The following HS1BP3 variants were observed in gnomAD, a reference collection of about 807,000 sequenced individuals.
HS1BP3 encodes HCLS1 binding protein 3, also known as HCLS1-binding protein 3.
Under a neutral mutation model 33.5 loss-of-function variants are expected in HS1BP3, and 32 were observed. The ratio of observed to expected loss-of-function variants is 0.95; its 90% CI spans 0.72 to 1.28. The LOEUF is 1.28. Ranked by LOEUF, HS1BP3 falls within the 50% of genes most tolerant of loss-of-function variation. The pLI is 0.00. For synonymous variants in HS1BP3, 187 were observed against 209.2 expected (o/e 0.89, Z 0.92); for missense variants, 486 against 502.3 (o/e 0.97, Z 0.31).
At chr2:20,622,526 C>A in intron 6 of HS1BP3, 4 of 345,976 alleles carry the variant, frequency 1.2e-5, no homozygotes, top group South Asian at 6.6e-5. Flanking sequence ...ACGAGCCCTG[C>A]TTTTTGTGGC....
Position 20,595,608 on chromosome 2 carries a change from C to A in HS1BP3, c.*12+2600G>T, listed in dbSNP as rs148050987. Among the ~76,000 whole-genome samples the A allele has an allele frequency of 5.9e-5, 9 of 152,364 alleles. No homozygotes were observed. The South Asian group carries it at 6.2e-4, about 11-fold the overall frequency. ...CTGACTCTCTGCGAAGGGACTGCAG[C>A]CTGCTCTGTGCTGCGGCCCTTCCTC... On this transcript the variant is annotated intron_variant, in intron 3 of 3. Coordinates refer to the HS1BP3 transcript ENST00000415264.
chr2:20,598,203 C>G (rs925811948), intron 3 of HS1BP3: 1 of 365,004 alleles, frequency 2.7e-6, no homozygotes, highest in East Asian at 7.9e-5. Context: ...AATGATCTAA[C>G]TCACCATAAT....
intron 5 of HS1BP3, among the ~76,000 whole-genome samples, chr2:20,574,134 T>C (rs906959621): frequency 6.6e-6 from 1 of 152,162 alleles, no homozygotes; most frequent in Admixed American, 6.5e-5. Context: ...ATGCTGCGGT[T>C]CTCCTGACTT....
chr2:20,627,087 T>A (rs988055854), intron 4 of HS1BP3, among the ~76,000 whole-genome samples: 1 of 152,246 alleles, frequency 6.6e-6, no homozygotes, highest in African/African-American at 2.4e-5. Flanking sequence ...GCCACTGTTC[T>A]GCCCGATGCT....
chr2:20,556,449 C>A (rs2149267647), downstream of HS1BP3, among the ~76,000 whole-genome samples: 1 of 143,090 alleles, frequency 7.0e-6, no homozygotes, highest in South Asian at 2.3e-4. Flanking sequence ...ATCATCAGAC[C>A]CTTCAACTTT....
At chr2:20,640,498 G>A in intron 3 of HS1BP3, 1 of 360,720 alleles carries the variant, frequency 2.8e-6, no homozygotes, top group East Asian at 4.1e-5. Flanking sequence ...CTGTCCCCAT[G>A]ACCCTCTCTG....
At chr2:20,591,206 G>C (rs138898323), downstream of HS1BP3, 6 of 167,302 alleles carry the variant, frequency 3.6e-5, no homozygotes, top group African/African-American at 1.2e-4. Flanking sequence ...CTCCATCTGT[G>C]CTTGTGTTCT....
At chr2:20,603,783 A>G (rs966186160) in intron 2 of HS1BP3, among the ~76,000 whole-genome samples, 6 of 152,264 alleles carry the variant, frequency 3.9e-5, no homozygotes, top group African/African-American at 1.2e-4. Flanking sequence ...AATGGAAGCC[A>G]CCATGCTTGG....
At chr2:20,581,883 G>A (rs574258663) in intron 5 of HS1BP3, among the ~76,000 whole-genome samples, 1 of 152,308 alleles carries the variant, frequency 6.6e-6, no homozygotes, top group South Asian at 2.1e-4. Flanking sequence ...GGTTCTAGAG[G>A]CTGCCTGTGG....
chr2:20,560,444 T>G (rs1692963143), downstream of HS1BP3: 1 of 152,310 alleles, frequency 6.6e-6, no homozygotes. Context: ...CCTAGATGGT[T>G]GTAGTGGAAT....
rs530456673 is a variant in HS1BP3 at position 20,621,231 on chromosome 2, C to T, written c.921-1986G>A. 1.1e-4 allele frequency among the ~76,000 whole-genome samples: 17 copies of T among 152,356 alleles called. 1 individual carries two copies. In the East Asian group the frequency reaches 3.3e-3, roughly 29 times the overall value. ...CCTGTGTGAGTATGGAGGTGTCCAG[C>T]ACAGCACCCCCAGGGGTGGATGCCT... is the stretch of plus-strand genomic sequence containing the variant. On this transcript the variant is annotated intron_variant, in intron 6 of 6. Transcript: ENST00000304031.
At chr2:20,650,470 G>T (rs1028494867) in intron 1 of HS1BP3, among the ~76,000 whole-genome samples, 2 of 152,152 alleles carry the variant, frequency 1.3e-5, no homozygotes, top group African/African-American at 4.8e-5. Context: ...GAGCTGCCTC[G>T]CAAGCAGCAA....
chr2:20,574,014 T>C (rs1693339442), intron 5 of HS1BP3, among the ~76,000 whole-genome samples: 1 of 152,210 alleles, frequency 6.6e-6, no homozygotes, highest in Non-Finnish European at 1.5e-5. Flanking sequence ...TTGAATGCCA[T>C]AGAGAATGCA....
At chr2:20,601,606 C>T (rs59169527) in intron 2 of HS1BP3, among the ~76,000 whole-genome samples, 10,093 of 151,902 alleles carry the variant, frequency 0.066, 378 homozygotes, top group South Asian at 0.15. Context: ...ATTTTATAAA[C>T]GGAAATTTTC....
In HS1BP3 at chr2:20,601,490, A is replaced by G. The variant is rs75767242; in HGVS notation, c.179-3225T>C. 9.4e-3 allele frequency among the ~76,000 whole-genome samples: 1,432 copies of G among 152,308 alleles called. 13 individuals carry two copies. The highest frequency in any genetic ancestry group is 0.015 in the Non-Finnish European group (1,000 of 68,012). ...TATCTCATCTTGAATTGTAGTTACC[A>G]TAATTCCCACATGCTGTGGGAGGGA... is the stretch of plus-strand genomic sequence containing the variant. On this transcript the variant is annotated intron_variant, in intron 2 of 3. Transcript: ENST00000415264.
downstream of HS1BP3, among the ~76,000 whole-genome samples, chr2:20,615,943 G>A (rs1003973307): frequency 6.6e-6 from 1 of 152,312 alleles, no homozygotes; most frequent in South Asian, 2.1e-4. Context: ...CTCCAGGGGG[G>A]CCCATGACAC....
downstream of HS1BP3, among the ~76,000 whole-genome samples, chr2:20,617,229 C>T (rs1694447615): frequency 6.6e-6 from 1 of 152,154 alleles, no homozygotes; most frequent in Non-Finnish European, 1.5e-5. Context: ...CCCATCCCCT[C>T]CCCACTCCTA....
rs774671305 is a variant in HS1BP3 at position 20,638,430 on chromosome 2, A to T, written c.623+6T>A. On this transcript the variant is annotated splice_donor_region_variant and intron_variant, in intron 4 of 6. Transcript: ENST00000304031. ...AAAGGGGCCCTCTCAACAACAGGAGACCAACCGCATAATGCCCAGAGGGTC... is the reference window on the plus strand; with the variant it reads ...AAAGGGGCCCTCTCAACAACAGGAGTCCAACCGCATAATGCCCAGAGGGTC... The T allele has an allele frequency of 6.2e-7, 1 of 1,613,560 alleles. No homozygotes were observed. Among genetic ancestry groups the T allele is most frequent in the South Asian group, 1.1e-5 (1 of 91,000 alleles).
chr2:20,649,588 C>T (rs1364449017), intron 1 of HS1BP3, among the ~76,000 whole-genome samples: 2 of 152,196 alleles, frequency 1.3e-5, no homozygotes, highest in Non-Finnish European at 2.9e-5. Flanking sequence ...GTACCCGGTA[C>T]AGAGAAGGCT....
Sources: gnomAD v4.1 joint callset for allele counts (sites outside exome capture counted in the v4.1 genomes callset) on GRCh38, gnomAD v4.1.1 for gene constraint, MANE v1.5 for transcripts, NCBI Gene and HGNC (gene_info 2026-07-23, HGNC 2026-07-21) for gene names.